ZUP1: variants seen among roughly 807,000 people sequenced by gnomAD.
ZUP1 encodes zinc finger containing ubiquitin peptidase 1, also known as zinc finger-containing ubiquitin peptidase 1.
ZUP1 carries 55 observed loss-of-function variants against 68.1 expected under a neutral mutation model. The observed-to-expected ratio is 0.81, with a 90% confidence interval of 0.65 to 1.01. ZUP1 has a LOEUF of 1.01. Ranked by LOEUF, ZUP1 falls within the 50% of genes least tolerant of loss-of-function variation. The pLI, the probability that ZUP1 is intolerant of heterozygous loss-of-function variation, is 0.00. For synonymous variants in ZUP1, 223 were observed against 221.5 expected (o/e 1.01, Z -0.06); for missense variants, 684 against 674.9 (o/e 1.01, Z -0.15).
intron 3 of ZUP1, among the ~76,000 whole-genome samples, chr6:116,659,545 G>C (rs965970288): frequency 6.6e-6 from 1 of 151,506 alleles, no homozygotes; most frequent in Non-Finnish European, 1.5e-5. Context: ...ATTTTAAAAC[G>C]TTAAGTAACA....
intron 9 of ZUP1, among the ~76,000 whole-genome samples, chr6:116,643,930 A>G (rs1776204255): frequency 6.6e-6 from 1 of 152,238 alleles, no homozygotes; most frequent in African/African-American, 2.4e-5. Context: ...AATTTTCACA[A>G]CCTACTCATC....
chr6:116,646,168 C>A, intron 8 of ZUP1: 1 of 356,434 alleles, frequency 2.8e-6, no homozygotes, highest in Non-Finnish European at 5.0e-6. Context: ...TTTATTCTGC[C>A]AAATATTTTA....
At chr6:116,638,886 T>C (rs745547595) in intron 9 of ZUP1, among the ~76,000 whole-genome samples, 17 of 152,162 alleles carry the variant, frequency 1.1e-4, no homozygotes, top group Non-Finnish European at 2.1e-4. Context: ...GGGCGAGGCA[T>C]TGCCTCACTC....
At chr6:116,651,061 G>A (rs1169722781) in intron 7 of ZUP1, among the ~76,000 whole-genome samples, 3 of 152,090 alleles carry the variant, frequency 2.0e-5, no homozygotes, top group African/African-American at 7.2e-5. Context: ...CAGATTACAT[G>A]ACAGGTAGAG....
At chr6:116,663,915 C>A (rs1776917309) in intron 2 of ZUP1, among the ~76,000 whole-genome samples, 1 of 151,968 alleles carries the variant, frequency 6.6e-6, no homozygotes, top group Non-Finnish European at 1.5e-5. Context: ...CCACTGAACT[C>A]CAGCCTGGGT....
At chr6:116,648,469 T>A (rs971459070) in intron 7 of ZUP1, among the ~76,000 whole-genome samples, 3 of 152,204 alleles carry the variant, frequency 2.0e-5, no homozygotes, top group Admixed American at 6.5e-5. Flanking sequence ...CAAATAAACT[T>A]CTGGATAAAC....
chr6:116,668,130 T>A (rs1313146248), intron 1 of ZUP1, among the ~76,000 whole-genome samples: 1 of 152,242 alleles, frequency 6.6e-6, no homozygotes, highest in East Asian at 1.9e-4. Context: ...TATCACTTCA[T>A]TTAAATAAAT....
At chr6:116,641,818 G>A (rs944681592) in intron 9 of ZUP1, among the ~76,000 whole-genome samples, 11 of 151,888 alleles carry the variant, frequency 7.2e-5, no homozygotes, top group African/African-American at 1.7e-4. Context: ...AAGCTAGCAG[G>A]AGGCAAGAAA....
rs752259283 is a variant in ZUP1, at chr6:116,652,123, G to A, written c.1031C>T (p.Ser344Leu). ...AGATGAATGAAAGTGATCCACCACT[G>A]AAGAAAGCCACACCCGTCTCACATC... ...ATDVRRVWLS[S>L]VVDHFHSSLG... Residue 344 changes from serine to leucine, a missense_variant, in exon 6 of 10, where the codon TCA becomes TTA. Ser to Leu is a moderately radical substitution (Grantham distance 145, BLOSUM62 -2). Transcript: ENST00000368576. 1 of 1,613,970 alleles carries A rather than the reference G, an allele frequency of 6.2e-7. No homozygotes were observed. The highest frequency in any genetic ancestry group is 1.1e-5 in the South Asian group (1 of 91,076).
At chr6:116,639,201 G>C (rs1010082713) in intron 9 of ZUP1, among the ~76,000 whole-genome samples, 3 of 152,236 alleles carry the variant, frequency 2.0e-5, no homozygotes, top group Admixed American at 6.5e-5. Context: ...GAACTGGGTG[G>C]AGCCCACCAC....
intron 2 of ZUP1, among the ~76,000 whole-genome samples, chr6:116,663,009 G>T (rs116391861): frequency 6.6e-6 from 1 of 152,154 alleles, no homozygotes; most frequent in African/African-American, 2.4e-5. Context: ...AATATCCATA[G>T]AAATAGTTCT....
intron 9 of ZUP1, among the ~76,000 whole-genome samples, chr6:116,638,604 T>C (rs978695855): frequency 5.3e-5 from 8 of 152,208 alleles, no homozygotes; most frequent in African/African-American, 1.9e-4. Context: ...TAGGTCTCCT[T>C]GGATTAAGTT....
intron 2 of ZUP1, among the ~76,000 whole-genome samples, chr6:116,665,780 G>A (rs1479466093): frequency 1.4e-5 from 2 of 141,952 alleles, no homozygotes; most frequent in South Asian, 2.2e-4. Flanking sequence ...TTGAAGAGAC[G>A]AGCTTTTGCC....
chr6:116,646,565 G>C lies in ZUP1; in HGVS notation c.1469-631C>G, dbSNP rs543668932. Among the ~76,000 whole-genome samples, 158 of 152,224 alleles carry C rather than the reference G, an allele frequency of 1.0e-3. 1 individual carries two copies. The highest frequency in any genetic ancestry group is 2.0e-3 in the Non-Finnish European group (136 of 68,004). ...AATAAGTGAAGAAAATGCCAGCGGT[G>C]GGATGCTGGGATGAGTTGTACGTGT... On this transcript the variant is annotated intron_variant, in intron 8 of 9. Transcript: ENST00000368576.
intron 1 of ZUP1, among the ~76,000 whole-genome samples, chr6:116,668,051 C>T (rs1777063319): frequency 6.6e-6 from 1 of 152,164 alleles, no homozygotes; most frequent in African/African-American, 2.4e-5. Flanking sequence ...CACTTCGCCA[C>T]CACCTTCCTA....
intron 1 of ZUP1, among the ~76,000 whole-genome samples, chr6:116,667,754 A>C (rs1156618139): frequency 6.6e-6 from 1 of 152,156 alleles, no homozygotes; most frequent in Non-Finnish European, 1.5e-5. Context: ...CCACAAGCAG[A>C]AAAAGGTGGA....
chr6:116,641,231 A>T (rs1206956503), intron 9 of ZUP1, among the ~76,000 whole-genome samples: 47 of 151,388 alleles, frequency 3.1e-4, no homozygotes, highest in Non-Finnish European at 5.8e-4. Context: ...CTCCCACACA[A>T]TAATAATGGG....
At chr6:116,648,556 A>G (rs6924507) in intron 7 of ZUP1, among the ~76,000 whole-genome samples, 55,104 of 151,714 alleles carry the variant, frequency 0.36, 10,596 homozygotes, top group African/African-American at 0.5. Context: ...ACCCTACAGG[A>G]TATAACTCAT....
intron 9 of ZUP1, among the ~76,000 whole-genome samples, chr6:116,644,704 G>T (rs1435301611): frequency 6.6e-6 from 1 of 151,882 alleles, no homozygotes; most frequent in Non-Finnish European, 1.5e-5. Context: ...TGGGGGGAGT[G>T]GGGAGGGATA....
Sources: allele counts gnomAD v4.1 joint callset (sites outside exome capture counted in the v4.1 genomes callset), GRCh38; gene constraint gnomAD v4.1.1; transcripts MANE v1.5; gene names NCBI Gene and HGNC (gene_info 2026-07-23, HGNC 2026-07-21).